Variants in LNX1 observed in about 807,000 individuals in gnomAD.
LNX1 encodes ligand of numb-protein X 1, also known as E3 ubiquitin-protein ligase LNX.
In LNX1, 54 loss-of-function variants were observed where a neutral mutation model predicts 68.4. The observed-to-expected ratio is 0.79, with a 90% CI of 0.63 to 0.99. The LOEUF is 0.99. Ranked by LOEUF, LNX1 falls within the 50% of genes least tolerant of loss-of-function variation. The pLI is 0.00. For missense variants in LNX1, 906 were observed against 926.4 expected, an observed-to-expected ratio of 0.98 and a Z score of 0.29; for synonymous variants, 336 against 350.0, an observed-to-expected ratio of 0.96 and a Z score of 0.45.
intron 1 of LNX1, chr4:53,576,107 G>C: frequency 1.9e-6 from 3 of 1,551,554 alleles, no homozygotes; most frequent in Non-Finnish European, 2.6e-6. Flanking sequence ...GTGGTATTTG[G>C]GAGCCAGCGG....
At chr4:53,635,169 C>T (rs1322550141) in intron 1 of LNX1, among the ~76,000 whole-genome samples, 3 of 152,148 alleles carry the variant, frequency 2.0e-5, no homozygotes, top group Non-Finnish European at 2.9e-5. Flanking sequence ...CAGATAAGCC[C>T]CCGCTCCCAC....
At chr4:53,529,454 C>T (rs891535475) in intron 2 of LNX1, among the ~76,000 whole-genome samples, 1 of 152,204 alleles carries the variant, frequency 6.6e-6, no homozygotes. Context: ...GCTTTACATT[C>T]ACATATTTCT....
chr4:53,565,644 C>T (rs1372337140), intron 2 of LNX1, among the ~76,000 whole-genome samples: 1 of 152,312 alleles, frequency 6.6e-6, no homozygotes, highest in Non-Finnish European at 1.5e-5. Context: ...CAAAGCTGGA[C>T]AGAGAATGAC....
At chr4:53,490,937 T>C (rs1724637653) in intron 6 of LNX1, among the ~76,000 whole-genome samples, 1 of 152,220 alleles carries the variant, frequency 6.6e-6, no homozygotes, top group Non-Finnish European at 1.5e-5. Flanking sequence ...AAAAGGTTTT[T>C]CCTGCTTATA....
In LNX1 at chr4:53,599,914, G is replaced by C. The variant is rs373672079; in HGVS notation, c.-214-8399C>G. 2.6e-5 allele frequency among the ~76,000 whole-genome samples: 4 copies of C among 152,324 alleles called. 1 individual carries two copies. The highest frequency in any genetic ancestry group is 4.1e-4 in the South Asian group (2 of 4,820). ...AGTTTCGTGCCCACAGTCAGGGCTG[G>C]CTGGCATTGCACCTTGGGAAGAACT... On this transcript the variant is annotated intron_variant, in intron 2 of 3. Coordinates refer to the LNX1 transcript ENST00000504299.
At chr4:53,631,444 C>T (rs936864732) in intron 1 of LNX1, among the ~76,000 whole-genome samples, 2 of 152,078 alleles carry the variant, frequency 1.3e-5, no homozygotes, top group Non-Finnish European at 2.9e-5. Context: ...GAAATGTGAC[C>T]AAGTTGGCTG....
intron 1 of LNX1, among the ~76,000 whole-genome samples, chr4:53,631,796 C>A (rs1475451820): frequency 6.6e-6 from 1 of 151,900 alleles, no homozygotes; most frequent in South Asian, 2.1e-4. Context: ...AAACAGTCAC[C>A]CCAGGGACAT....
Position 53,460,042 on chromosome 4 carries a change from G to C in LNX1, c.*865C>G, listed in dbSNP as rs573999756. On this transcript the variant is annotated 3_prime_UTR_variant, in exon 11 of 11. Coordinates refer to ENST00000263925, the MANE Select transcript of LNX1 (RefSeq NM_001126328.3). Reference sequence around the variant, plus strand: ...ATAAAACCTATAAGGCATCTGGGTGGCCTCTATGAAATAAATTAATTAATT... The same window carrying C: ...ATAAAACCTATAAGGCATCTGGGTGCCCTCTATGAAATAAATTAATTAATT... The C allele has an allele frequency of 1.4e-4, 19 of 136,364 alleles. No individual in the cohort carries two copies. Among genetic ancestry groups the C allele is most frequent in the African/African-American group, 6.5e-4 (17 of 26,340 alleles). 8.4% of individuals were successfully genotyped at this position (136,364 alleles called of 1,614,324 possible).
At chr4:53,601,974 C>G (rs564000103) in intron 2 of LNX1, among the ~76,000 whole-genome samples, 1 of 152,144 alleles carries the variant, frequency 6.6e-6, no homozygotes, top group Non-Finnish European at 1.5e-5. Context: ...CCCCTGCTCA[C>G]GTGACTGACT....
intron 5 of LNX1, 83 bp from the exon 6 acceptor site, chr4:53,496,477 G>T: frequency 6.8e-7 from 1 of 1,481,212 alleles, no homozygotes; most frequent in South Asian, 1.4e-5. Flanking sequence ...GAAAAGCCAG[G>T]ATCCTGTCTT....
chr4:53,481,965 A>G (rs1723946904), intron 6 of LNX1, 111 bp from the exon 7 acceptor site: 7 of 1,314,430 alleles, frequency 5.3e-6, no homozygotes, highest in Admixed American at 2.7e-5. Context: ...ATGGCAAAAC[A>G]TGATTTCTAG....
intron 1 of LNX1, among the ~76,000 whole-genome samples, chr4:53,629,467 C>A (rs571665723): frequency 6.6e-6 from 1 of 152,326 alleles, no homozygotes; most frequent in Admixed American, 6.5e-5. Context: ...ATGTCCCAGG[C>A]CCTGCCAAAG....
Position 53,460,907 on chromosome 4 carries a change from C to G in LNX1, c.2187G>C (p.Ter729TyrextTer3). The change falls in exon 11 of 11, where the codon TAG (stop) becomes TAC (tyrosine). Residue 729 changes from the stop codon to tyrosine, a stop_lost. Transcript: ENST00000263925. Reference sequence around the variant, plus strand: ...GTTTTCCTCTGACCCATCATTGATTCTATAAAAAAGTGCCAGGCCAAGAAA... The same window carrying G: ...GTTTTCCTCTGACCCATCATTGATTGTATAAAAAAGTGCCAGGCCAAGAAA... ...TIVSWPGTFL[*>Y] 6.2e-7 allele frequency: 1 copy of G among 1,607,494 alleles called. No individual in the cohort carries two copies. The highest frequency in any genetic ancestry group is 1.1e-5 in the South Asian group (1 of 89,260).
At chr4:53,598,918 G>T (rs911028144) in intron 2 of LNX1, among the ~76,000 whole-genome samples, 1 of 152,186 alleles carries the variant, frequency 6.6e-6, no homozygotes, top group African/African-American at 2.4e-5. Flanking sequence ...CTCTGCATTT[G>T]AGGAACTTAG....
At chr4:53,557,633 A>G (rs1216763380) in intron 2 of LNX1, among the ~76,000 whole-genome samples, 2 of 151,566 alleles carry the variant, frequency 1.3e-5, no homozygotes, top group African/African-American at 4.9e-5. Flanking sequence ...CAGCACTGAC[A>G]CTGAAGCAGG....
At chr4:53,565,219 C>A (rs1227530727) in intron 2 of LNX1, among the ~76,000 whole-genome samples, 4 of 152,078 alleles carry the variant, frequency 2.6e-5, no homozygotes, top group African/African-American at 9.7e-5. Context: ...AAAAAGACAG[C>A]AGTAACCTCT....
At position 53,573,502 on chromosome 4, in the gene LNX1, T is replaced by C. The variant is rs972769863; in HGVS notation, c.380+121A>G. 1.2e-4 allele frequency: 76 copies of C among 648,598 alleles called. No homozygotes were observed. In the African/African-American group the frequency reaches 1.3e-3, roughly 12 times the overall value. The allele number at this position is 648,598 out of a possible 1,614,324, so 40.2% of individuals were successfully genotyped here. ...TGAATCATGACCATAAACACCTAGC[T>C]GTTTTTTTATTTTGAATGGATCATT... On this transcript the variant is annotated intron_variant, in intron 2 of 10. Transcript: ENST00000263925.
At chr4:53,583,672 A>T (rs557184706) in intron 1 of LNX1, among the ~76,000 whole-genome samples, 1 of 152,348 alleles carries the variant, frequency 6.6e-6, no homozygotes, top group South Asian at 2.1e-4. Flanking sequence ...GAGGACATAG[A>T]TGTTCAGAAT....
chr4:53,544,663 A>G (rs1326355984), intron 2 of LNX1, among the ~76,000 whole-genome samples: 1 of 152,208 alleles, frequency 6.6e-6, no homozygotes, highest in East Asian at 1.9e-4. Context: ...TCTTTTCTAA[A>G]GAAAAAAGTG....
Sources: allele counts gnomAD v4.1 joint callset (sites outside exome capture counted in the v4.1 genomes callset), GRCh38; gene constraint gnomAD v4.1.1; transcripts MANE v1.5; gene names NCBI Gene and HGNC (gene_info 2026-07-23, HGNC 2026-07-21).